Variants in ZNF90 observed in about 807,000 individuals in gnomAD.
The protein encoded by ZNF90 is zinc finger protein 90.
A neutral mutation model predicts 12.0 loss-of-function variants in ZNF90; 11 were observed. The ratio of observed to expected loss-of-function variants is 0.92; its 90% CI spans 0.58 to 1.52. ZNF90 has a LOEUF of 1.52. Among genes scored for constraint, ZNF90 ranks in the 40% most tolerant of loss-of-function variants. The pLI, the probability that ZNF90 is intolerant of heterozygous loss-of-function variation, is 0.00. For missense variants in ZNF90, 765 were observed against 711.5 expected (o/e 1.08, Z -0.86); for synonymous variants, 232 against 240.1 (o/e 0.97, Z 0.31).
chr19:20,117,928 T>C lies in ZNF90; in HGVS notation c.374T>C (p.Val125Ala), dbSNP rs16996687. The C allele has an allele frequency of 5.0e-6, 8 of 1,613,264 alleles. No homozygotes were observed. Among genetic ancestry groups the C allele is most frequent in the Middle Eastern group, 1.7e-4 (1 of 6,058 alleles). ...KGCESVDEGK[V>A]HKRGYNGLNQ... ...TGTGAAAGTGTGGATGAGGGTAAAG[T>C]ACACAAAAGAGGTTATAATGGACTT... Residue 125 changes from valine (V) to alanine (A), a missense_variant, in exon 4 of 4, where the codon GTA becomes GCA. Physicochemically the swap from Val to Ala is moderately conservative, Grantham distance 64. Transcript: ENST00000418063.
chr19:20,095,982 C>T (rs1393221338), intron 1 of ZNF90, among the ~76,000 whole-genome samples: 1 of 152,184 alleles, frequency 6.6e-6, no homozygotes, highest in East Asian at 1.9e-4. Flanking sequence ...GATTAAACAC[C>T]AAGGGAAGGC....
intron 1 of ZNF90, among the ~76,000 whole-genome samples, chr19:20,093,208 A>G (rs1281435347): frequency 1.3e-5 from 2 of 152,246 alleles, no homozygotes; most frequent in Non-Finnish European, 2.9e-5. Context: ...GGTTGATAAG[A>G]CGCAGATCCT....
chr19:20,104,417 A>T, intron 2 of ZNF90, 52 bp downstream of exon 2: 1 of 1,527,616 alleles, frequency 6.5e-7, no homozygotes, highest in Non-Finnish European at 8.8e-7. Flanking sequence ...GGTTGTTTTT[A>T]TGTTTTTTTG....
At position 20,118,931 on chromosome 19, in the gene ZNF90, C is replaced by T; in HGVS notation, c.1377C>T (p.Gly459=). ...GEKPYKCEEC[G]KAFKRSSNLT... is the part of the protein sequence containing the mutation. Reference sequence around the variant, plus strand: ...AACCCTACAAATGTGAAGAATGTGGCAAAGCCTTCAAGCGCTCCTCAAACC... The same window carrying T: ...AACCCTACAAATGTGAAGAATGTGGTAAAGCCTTCAAGCGCTCCTCAAACC... The change falls in exon 4 of 4, where the codon GGC becomes GGT. Residue 459 remains glycine, a synonymous_variant. Transcript: ENST00000418063. The T allele has an allele frequency of 6.2e-7, 1 of 1,613,362 alleles. No individual in the cohort carries two copies. Among genetic ancestry groups the T allele is most frequent in the Non-Finnish European group, 8.5e-7 (1 of 1,179,686 alleles).
intron 3 of ZNF90, among the ~76,000 whole-genome samples, chr19:20,116,647 C>T (rs1163269217): frequency 2.0e-5 from 3 of 152,140 alleles, no homozygotes; most frequent in African/African-American, 7.2e-5. Flanking sequence ...TTTGTCCTGG[C>T]ATAGTCTGAA....
intron 1 of ZNF90, among the ~76,000 whole-genome samples, chr19:20,090,717 G>A (rs1375526475): frequency 1.3e-5 from 2 of 152,170 alleles, no homozygotes; most frequent in Non-Finnish European, 2.9e-5. Context: ...TAGTCACCTA[G>A]AGGGCTGGTG....
chr19:20,116,122 C>T (rs1165337522), intron 3 of ZNF90, among the ~76,000 whole-genome samples: 1 of 152,118 alleles, frequency 6.6e-6, no homozygotes, highest in African/African-American at 2.4e-5. Flanking sequence ...ATTCACACAC[C>T]TCAGGCTCCT....
chr19:20,119,332 A>G lies in ZNF90; in HGVS notation c.1778A>G (p.Tyr593Cys). ...HKRIHIGQKA[Y>C]IVKNMANL ...AGGATTCATATTGGACAGAAAGCCT[A>G]CATAGTGAAGAACATGGCAAATCTT... Residue 593 changes from tyrosine to cysteine, a missense_variant, in exon 4 of 4, where the codon TAC becomes TGC. Coordinates refer to ENST00000418063, the MANE Select transcript of ZNF90 (RefSeq NM_007138.2). The G allele has an allele frequency of 3.1e-6, 5 of 1,599,048 alleles. No individual in the cohort carries two copies. Among genetic ancestry groups the G allele is most frequent in the Non-Finnish European group, 4.3e-6 (5 of 1,172,466 alleles).
At chr19:20,096,530 T>TG (rs1429880608) in intron 1 of ZNF90, among the ~76,000 whole-genome samples, 1 of 147,698 alleles carries the variant, frequency 6.8e-6, no homozygotes, top group Non-Finnish European at 1.5e-5. Context: ...TGGGCAGGAG[T>TG]GGGGGTCGCA....
chr19:20,095,310 T>A (rs2088934647), intron 1 of ZNF90, among the ~76,000 whole-genome samples: 1 of 152,132 alleles, frequency 6.6e-6, no homozygotes, highest in African/African-American at 2.4e-5. Context: ...AAAGTGCCGT[T>A]TTCTGGCCAT....
intron 1 of ZNF90, among the ~76,000 whole-genome samples, chr19:20,082,427 A>G (rs948659563): frequency 6.6e-6 from 1 of 152,206 alleles, no homozygotes; most frequent in Non-Finnish European, 1.5e-5. Flanking sequence ...TGTACTAAGA[A>G]AAATTCTTCT....
At chr19:20,099,958 T>A (rs1294655801) in intron 1 of ZNF90, among the ~76,000 whole-genome samples, 1 of 152,132 alleles carries the variant, frequency 6.6e-6, no homozygotes, top group Non-Finnish European at 1.5e-5. Flanking sequence ...GGTGGCAGTC[T>A]TATACTGCTG....
At chr19:20,101,155 C>G (rs547559376) in intron 1 of ZNF90, among the ~76,000 whole-genome samples, 1 of 152,288 alleles carries the variant, frequency 6.6e-6, no homozygotes, top group South Asian at 2.1e-4. Context: ...GCAGGGTGTC[C>G]GCTGTGCTCC....
At chr19:20,113,181 T>A (rs1269194382) in intron 3 of ZNF90, among the ~76,000 whole-genome samples, 1 of 152,028 alleles carries the variant, frequency 6.6e-6, no homozygotes, top group African/African-American at 2.4e-5. Flanking sequence ...GTTTTTTATT[T>A]TTTTTTCTTT....
At chr19:20,098,774 A>G (rs1192360753) in intron 1 of ZNF90, among the ~76,000 whole-genome samples, 1 of 152,228 alleles carries the variant, frequency 6.6e-6, no homozygotes. Context: ...CAGGCTGACA[A>G]GAATGGTTTT....
intron 1 of ZNF90, among the ~76,000 whole-genome samples, chr19:20,082,043 C>T (rs1254152148): frequency 2.0e-5 from 3 of 151,950 alleles, no homozygotes; most frequent in Non-Finnish European, 4.4e-5. Context: ...GGATTACAGG[C>T]GTGAGCCACC....
intron 1 of ZNF90, among the ~76,000 whole-genome samples, chr19:20,091,916 A>G (rs1555702772): frequency 6.6e-6 from 1 of 152,192 alleles, no homozygotes; most frequent in African/African-American, 2.4e-5. Flanking sequence ...GGTAGCCTCA[A>G]TGATAGATGT....
At chr19:20,108,273 T>C (rs2089056659) in intron 3 of ZNF90, among the ~76,000 whole-genome samples, 1 of 152,202 alleles carries the variant, frequency 6.6e-6, no homozygotes, top group Non-Finnish European at 1.5e-5. Context: ...GATGAATACA[T>C]AGTGATGGTT....
At chr19:20,097,457 A>T (rs1335843689) in intron 1 of ZNF90, among the ~76,000 whole-genome samples, 1 of 152,194 alleles carries the variant, frequency 6.6e-6, no homozygotes, top group Non-Finnish European at 1.5e-5. Context: ...ATTTCTATAA[A>T]TTTCACAGGG....
Sources: gnomAD v4.1 joint callset for allele counts (sites outside exome capture counted in the v4.1 genomes callset) on GRCh38, gnomAD v4.1.1 for gene constraint, MANE v1.5 for transcripts, NCBI Gene and HGNC (gene_info 2026-07-23, HGNC 2026-07-21) for gene names.